PEX14: variants seen among roughly 807,000 people sequenced by gnomAD.
PEX14 encodes the protein peroxisomal membrane protein PEX14.
A neutral mutation model predicts 49.5 loss-of-function variants in PEX14; 15 were observed. That is an observed-to-expected ratio of 0.30 (90% CI 0.20 to 0.47). The LOEUF (loss-of-function observed/expected upper bound fraction) is 0.47, where lower values mean the gene tolerates loss of function less well. Ranked by LOEUF, PEX14 falls within the 20% of genes least tolerant of loss-of-function variation. The pLI is 1.00. For synonymous variants in PEX14, 210 were observed against 212.7 expected (o/e 0.99, Z 0.11); for missense variants, 398 against 494.8 (o/e 0.80, Z 1.86).
chr1:10,530,491 C>T (rs1638616405), intron 2 of PEX14, among the ~76,000 whole-genome samples: 8 of 152,226 alleles, frequency 5.3e-5, no homozygotes, highest in Admixed American at 4.6e-4. Context: ...CCTGCGGGCT[C>T]GTCCACCTCA....
Position 10,514,216 on chromosome 1 carries a change from CAG to C in PEX14, c.84+18898_84+18899del, listed in dbSNP as rs1354884098. ...TGTGTGTGTATGGTGTTAGAAACGG[CAG>C]AGTCACCTTCTAAAACAGCAGTGAG... On this transcript the variant is annotated intron_variant, in intron 2 of 8. Coordinates refer to ENST00000356607, the MANE Select transcript of PEX14 (RefSeq NM_004565.3). The surrounding 1 kb of genome is among the most constrained non-coding windows in gnomAD (Gnocchi z 4.4). Among the ~76,000 whole-genome samples the C allele has an allele frequency of 1.4e-5, 2 of 146,854 alleles. No homozygotes were observed. Among genetic ancestry groups the C allele is most frequent in the South Asian group, 2.2e-4 (1 of 4,604 alleles).
chr1:10,566,887 T>A (rs901932644), intron 3 of PEX14, among the ~76,000 whole-genome samples: 1 of 151,898 alleles, frequency 6.6e-6, no homozygotes, highest in Non-Finnish European at 1.5e-5. Flanking sequence ...GTGTATAGAG[T>A]ATAAGGATTC....
chr1:10,528,434 G>A (rs1216315311), intron 2 of PEX14: 1 of 258,932 alleles, frequency 3.9e-6, no homozygotes, highest in Non-Finnish European at 6.0e-6. Flanking sequence ...AATAGAGGCA[G>A]TGTTATCATT....
chr1:10,546,961 C>G (rs1639195539), intron 3 of PEX14, among the ~76,000 whole-genome samples: 5 of 152,076 alleles, frequency 3.3e-5, no homozygotes, highest in African/African-American at 1.2e-4. Flanking sequence ...GGAGGGTAGA[C>G]CCAAGGTTAG....
chr1:10,480,489 G>A (rs561594152), intron 1 of PEX14, among the ~76,000 whole-genome samples: 2 of 151,194 alleles, frequency 1.3e-5, no homozygotes, highest in East Asian at 3.9e-4. Flanking sequence ...TGCCTCCTGG[G>A]TTCAAGCGAT....
At chr1:10,625,411 G>A (rs1231722266) in intron 7 of PEX14, among the ~76,000 whole-genome samples, 1 of 152,212 alleles carries the variant, frequency 6.6e-6, no homozygotes, top group Admixed American at 6.5e-5. Flanking sequence ...CCCAGGGAAA[G>A]CCACTCCTAG....
chr1:10,524,858 A>AG (rs1220777504), intron 2 of PEX14, among the ~76,000 whole-genome samples: 2 of 152,142 alleles, frequency 1.3e-5, no homozygotes, highest in Non-Finnish European at 2.9e-5. Context: ...TTTAAAAAAA[A>AG]CAAATTTTTT....
chr1:10,523,205 T>G (rs1157404292), intron 2 of PEX14, among the ~76,000 whole-genome samples: 1 of 152,208 alleles, frequency 6.6e-6, no homozygotes, highest in East Asian at 1.9e-4. Flanking sequence ...ATTTGCAGCT[T>G]TTATCTTCTA....
rs573176372 is a variant in PEX14 at position 10,505,287 on chromosome 1, GT to G, written c.84+9967del. On this transcript the variant is annotated intron_variant, in intron 2 of 8. Transcript: ENST00000356607. ...GAGTTTTGAGATCAGCCTGGGCAACGTGACGAGGTGCCATCTCTATAAAAAA... is the reference window on the plus strand; with the variant it reads ...GAGTTTTGAGATCAGCCTGGGCAACGGACGAGGTGCCATCTCTATAAAAAA... 6.5e-4 allele frequency among the ~76,000 whole-genome samples: 99 copies of G among 152,158 alleles called. 3 individuals are homozygous for G. In the East Asian group the frequency reaches 0.019, roughly 29 times the overall value.
intron 1 of PEX14, among the ~76,000 whole-genome samples, chr1:10,482,051 C>T (rs1047204951): frequency 5.3e-5 from 8 of 152,152 alleles, no homozygotes; most frequent in African/African-American, 1.7e-4. Context: ...TCTTGAACTC[C>T]TGAGCTCAAC....
At chr1:10,595,036 T>A (rs1052674599) in intron 3 of PEX14, among the ~76,000 whole-genome samples, 30 of 147,838 alleles carry the variant, frequency 2.0e-4, no homozygotes, top group Non-Finnish European at 3.5e-4. Flanking sequence ...TCTGTCCTTT[T>A]AAAAAAAAAA....
At chr1:10,549,968 C>A (rs1188141266) in intron 3 of PEX14, among the ~76,000 whole-genome samples, 1 of 152,140 alleles carries the variant, frequency 6.6e-6, no homozygotes. Flanking sequence ...TCCATCTTTC[C>A]ATCCAACAAG....
Position 10,613,357 on chromosome 1 carries a change from C to G in PEX14, c.299-4975C>G, listed in dbSNP as rs140209841. Reference sequence around the variant, plus strand: ...CCGCTCTACCATGGTTTTACCCAAACTGGAGCCTTTGCGCAGGCTGACCTC... The same window carrying G: ...CCGCTCTACCATGGTTTTACCCAAAGTGGAGCCTTTGCGCAGGCTGACCTC... On this transcript the variant is annotated intron_variant, in intron 4 of 8. Transcript: ENST00000356607. This position sits in a 1 kb window ranked among gnomAD's most constrained non-coding sequence, Gnocchi z 5.0. Among the ~76,000 whole-genome samples, 882 of 152,336 alleles carry G rather than the reference C, an allele frequency of 5.8e-3. 3 individuals are homozygous for G. Among genetic ancestry groups the G allele is most frequent in the Non-Finnish European group, 7.3e-3 (496 of 68,034 alleles).
intron 3 of PEX14, among the ~76,000 whole-genome samples, chr1:10,592,666 G>T (rs776839101): frequency 6.6e-6 from 1 of 152,230 alleles, no homozygotes; most frequent in African/African-American, 2.4e-5. Flanking sequence ...CTCCAAGGGA[G>T]TACGTCTGCC....
intron 3 of PEX14, among the ~76,000 whole-genome samples, chr1:10,555,987 A>G (rs1639476950): frequency 6.6e-6 from 1 of 152,104 alleles, no homozygotes; most frequent in African/African-American, 2.4e-5. Flanking sequence ...GCACTGCTGG[A>G]CAAAGCAGTC....
intron 3 of PEX14, among the ~76,000 whole-genome samples, chr1:10,547,127 C>A (rs1639200333): frequency 6.6e-6 from 1 of 152,170 alleles, no homozygotes; most frequent in Non-Finnish European, 1.5e-5. Flanking sequence ...CTGCTGCCCC[C>A]ACTGCAAGTG....
chr1:10,521,960 C>G (rs1184487046), intron 2 of PEX14, among the ~76,000 whole-genome samples: 4 of 152,162 alleles, frequency 2.6e-5, no homozygotes, highest in Non-Finnish European at 5.9e-5. Context: ...TAAGTGGGCC[C>G]ACGTCACACA....
intron 3 of PEX14, among the ~76,000 whole-genome samples, chr1:10,592,594 A>C (rs548789673): frequency 6.6e-6 from 1 of 152,156 alleles, no homozygotes; most frequent in Non-Finnish European, 1.5e-5. Context: ...TTTATAGGAA[A>C]GTTTCCTCCT....
intron 1 of PEX14, among the ~76,000 whole-genome samples, chr1:10,483,832 G>T (rs1369757818): frequency 6.6e-6 from 1 of 151,472 alleles, no homozygotes; most frequent in Non-Finnish European, 1.5e-5. Flanking sequence ...GTTCCCTTAC[G>T]CCCCTTCCCA....
Sources: allele counts gnomAD v4.1 joint callset (sites outside exome capture counted in the v4.1 genomes callset), GRCh38; gene constraint gnomAD v4.1.1; non-coding constraint Gnocchi (gnomAD v3.1); transcripts MANE v1.5; gene names NCBI Gene and HGNC (gene_info 2026-07-23, HGNC 2026-07-21).